The following GPC5 variants were observed in gnomAD, a reference collection of about 807,000 sequenced individuals.
The protein encoded by GPC5 is glypican 5, also known as glypican-5.
A neutral mutation model predicts 53.9 loss-of-function variants in GPC5; 47 were observed. The ratio of observed to expected loss-of-function variants is 0.87; its 90% confidence interval spans 0.69 to 1.11. The LOEUF is 1.11. Ranked by LOEUF, GPC5 falls within the 50% of genes most tolerant of loss-of-function variation. The pLI, the probability that GPC5 is intolerant of heterozygous loss-of-function variation, is 0.00. For synonymous variants in GPC5, 286 were observed against 263.3 expected (o/e 1.09, Z -0.84); for missense variants, 748 against 713.1 (o/e 1.05, Z -0.56).
intron 7 of GPC5, among the ~76,000 whole-genome samples, chr13:92,508,174 G>C (rs1880441523): frequency 1.3e-5 from 2 of 152,224 alleles, no homozygotes; most frequent in East Asian, 1.9e-4. Flanking sequence ...ATGTTGGCCA[G>C]GATGGTCTTG....
intron 7 of GPC5, among the ~76,000 whole-genome samples, chr13:92,379,868 C>G (rs1386940686): frequency 6.6e-6 from 1 of 152,152 alleles, no homozygotes; most frequent in African/African-American, 2.4e-5. Flanking sequence ...TCTTGTCATT[C>G]AGCTAGTGGC....
intron 6 of GPC5, among the ~76,000 whole-genome samples, chr13:92,085,187 C>G (rs991399734): frequency 5.9e-5 from 9 of 152,034 alleles, no homozygotes; most frequent in African/African-American, 1.4e-4. Flanking sequence ...GACCATAGCA[C>G]GAGTCGATAT....
At chr13:91,936,081 G>T (rs987007075) in intron 6 of GPC5, among the ~76,000 whole-genome samples, 6 of 151,964 alleles carry the variant, frequency 3.9e-5, no homozygotes, top group African/African-American at 1.5e-4. Context: ...AATTACCAAG[G>T]TATAGATATT....
intron 2 of GPC5, among the ~76,000 whole-genome samples, chr13:91,526,849 G>A (rs115372536): frequency 2.4e-4 from 37 of 152,254 alleles, no homozygotes; most frequent in African/African-American, 7.7e-4. Flanking sequence ...CATGTCTTAC[G>A]TGGCAGCAGG....
At chr13:92,411,505 G>A (rs777259013) in intron 7 of GPC5, among the ~76,000 whole-genome samples, 2 of 152,084 alleles carry the variant, frequency 1.3e-5, no homozygotes, top group Non-Finnish European at 2.9e-5. Flanking sequence ...TGCCACCAAT[G>A]GGAATTTTGA....
At chr13:92,170,147 A>G (rs1338618214) in intron 7 of GPC5, among the ~76,000 whole-genome samples, 1 of 151,802 alleles carries the variant, frequency 6.6e-6, no homozygotes, top group African/African-American at 2.4e-5. Context: ...TTGCTTCAAA[A>G]TACATGGAGA....
intron 2 of GPC5, among the ~76,000 whole-genome samples, chr13:91,540,900 C>A (rs1344351788): frequency 6.6e-6 from 1 of 151,636 alleles, no homozygotes; most frequent in Non-Finnish European, 1.5e-5. Context: ...AAAAAAAAAA[C>A]AGTGGCCACA....
At chr13:92,474,501 T>C (rs1879027865) in intron 7 of GPC5, among the ~76,000 whole-genome samples, 1 of 151,996 alleles carries the variant, frequency 6.6e-6, no homozygotes, top group South Asian at 2.1e-4. Flanking sequence ...GGTCATCCCA[T>C]ATGAGATGAA....
chr13:92,169,537 C>T (rs994234537), intron 7 of GPC5, among the ~76,000 whole-genome samples: 2 of 152,122 alleles, frequency 1.3e-5, no homozygotes, highest in East Asian at 3.9e-4. Flanking sequence ...AAATAGAATA[C>T]TGGCACTTTG....
chr13:92,748,823 A>T (rs1291013248), intron 7 of GPC5, among the ~76,000 whole-genome samples: 2 of 152,060 alleles, frequency 1.3e-5, no homozygotes, highest in Non-Finnish European at 2.9e-5. Flanking sequence ...CACCTCATAC[A>T]TTATTTCTCT....
intron 7 of GPC5, among the ~76,000 whole-genome samples, chr13:92,474,780 A>G (rs1566606432): frequency 6.6e-6 from 1 of 152,120 alleles, no homozygotes; most frequent in Non-Finnish European, 1.5e-5. Context: ...AGGATTCTCT[A>G]TTGGAATTGT....
At chr13:91,553,794 A>T (rs11842708) in intron 2 of GPC5, among the ~76,000 whole-genome samples, 6 of 152,012 alleles carry the variant, frequency 3.9e-5, no homozygotes, top group Non-Finnish European at 8.8e-5. Context: ...CTGCAAAAGG[A>T]ATAAAAAGCT....
At chr13:91,920,745 A>G (rs958097506) in intron 6 of GPC5, among the ~76,000 whole-genome samples, 2 of 152,170 alleles carry the variant, frequency 1.3e-5, no homozygotes, top group Non-Finnish European at 2.9e-5. Context: ...CAGCAGGAAT[A>G]CTAGAAGACA....
chr13:92,407,590 C>G (rs947827848), intron 7 of GPC5, among the ~76,000 whole-genome samples: 1 of 152,088 alleles, frequency 6.6e-6, no homozygotes, highest in Non-Finnish European at 1.5e-5. Flanking sequence ...CGCTTTTTCT[C>G]TATTATTCTT....
intron 7 of GPC5, among the ~76,000 whole-genome samples, chr13:92,531,677 G>C (rs1881568135): frequency 6.6e-6 from 1 of 152,128 alleles, no homozygotes. Context: ...AAACTCTTCT[G>C]CTCCTATTCC....
chr13:92,728,493 A>C (rs1041617467), intron 7 of GPC5, among the ~76,000 whole-genome samples: 2 of 151,462 alleles, frequency 1.3e-5, no homozygotes, highest in Non-Finnish European at 3.0e-5. Flanking sequence ...AGAGAAATTT[A>C]GTGAACTTAA....
At chr13:91,608,548 A>G (rs2033446476) in intron 2 of GPC5, among the ~76,000 whole-genome samples, 1 of 152,128 alleles carries the variant, frequency 6.6e-6, no homozygotes, top group South Asian at 2.1e-4. Flanking sequence ...TTTGTCCCTT[A>G]TGGGTGCTTT....
At chr13:92,296,674 C>T (rs1017731067) in intron 7 of GPC5, among the ~76,000 whole-genome samples, 10 of 152,146 alleles carry the variant, frequency 6.6e-5, no homozygotes, top group South Asian at 4.1e-4. Context: ...GGGAGAGGCG[C>T]GAGCGGGAAC....
chr13:92,826,150 G>A (rs1877840319), intron 7 of GPC5, among the ~76,000 whole-genome samples: 1 of 152,040 alleles, frequency 6.6e-6, no homozygotes, highest in African/African-American at 2.4e-5. Flanking sequence ...CATTCCTGTG[G>A]TTAGATCACG....
Sources: gnomAD v4.1 joint callset for allele counts (sites outside exome capture counted in the v4.1 genomes callset) on GRCh38, gnomAD v4.1.1 for gene constraint, MANE v1.5 for transcripts, NCBI Gene and HGNC (gene_info 2026-07-23, HGNC 2026-07-21) for gene names.